Variants in CTNND2 observed in about 807,000 individuals in gnomAD.
CTNND2 encodes the protein catenin delta-2.
CTNND2 carries 22 observed loss-of-function variants against 144.4 expected under a neutral mutation model. The ratio of observed to expected loss-of-function variants is 0.15; its 90% CI spans 0.11 to 0.22. CTNND2 has a LOEUF of 0.22. Ranked by LOEUF, CTNND2 falls within the 10% of genes least tolerant of loss-of-function variation. The probability of loss-of-function intolerance (pLI) is 1.00; values close to 1 mark genes in which losing one functional copy is unlikely to be tolerated. For missense variants in CTNND2, 1,353 were observed against 1,618.8 expected (o/e 0.84, Z 2.82); for synonymous variants, 751 against 695.6 (o/e 1.08, Z -1.25).
chr5:11,671,280 CT>C (rs1358058322), intron 2 of CTNND2, among the ~76,000 whole-genome samples: 4 of 152,038 alleles, frequency 2.6e-5, no homozygotes, highest in African/African-American at 9.7e-5. Context: ...TGAGGAACAT[CT>C]TTGTGGTGTT....
At chr5:11,657,983 A>C (rs1400991231) in intron 2 of CTNND2, among the ~76,000 whole-genome samples, 1 of 152,182 alleles carries the variant, frequency 6.6e-6, no homozygotes, top group East Asian at 1.9e-4. Flanking sequence ...TTCTATTTAA[A>C]GTGGTTGAAA....
At chr5:11,016,755 T>C (rs745524290) in intron 18 of CTNND2, among the ~76,000 whole-genome samples, 2 of 152,002 alleles carry the variant, frequency 1.3e-5, no homozygotes, top group Non-Finnish European at 2.9e-5. Context: ...CGCTTATTGG[T>C]GATGTCCTCT....
intron 1 of CTNND2, among the ~76,000 whole-genome samples, chr5:11,776,718 G>A (rs1041115352): frequency 3.3e-5 from 5 of 151,770 alleles, no homozygotes; most frequent in African/African-American, 4.8e-5. Flanking sequence ...ATGCTTTATC[G>A]CAGGTATACA....
intron 3 of CTNND2, among the ~76,000 whole-genome samples, chr5:11,434,637 A>C (rs1417704230): frequency 1.4e-5 from 2 of 146,322 alleles, no homozygotes; most frequent in Non-Finnish European, 3.0e-5. Flanking sequence ...AAGCATTTGG[A>C]AAGAGGGGGT....
At chr5:11,330,848 GTC>G (rs2149715411) in intron 9 of CTNND2, among the ~76,000 whole-genome samples, 1 of 147,828 alleles carries the variant, frequency 6.8e-6, no homozygotes, top group African/African-American at 2.7e-5. Context: ...GCCTGTGTGT[GTC>G]TGTGTGTGAG....
chr5:11,683,960 A>G (rs1015399900), intron 2 of CTNND2, among the ~76,000 whole-genome samples: 13 of 152,244 alleles, frequency 8.5e-5, no homozygotes, highest in African/African-American at 3.1e-4. Flanking sequence ...TTATGACAGT[A>G]AAAGTGCTAG....
chr5:11,384,592 C>G lies in CTNND2; in HGVS notation c.1177+73G>C. The G allele has an allele frequency of 1.4e-6, 2 of 1,436,808 alleles. No individual in the cohort carries two copies. The highest frequency in any genetic ancestry group is 2.3e-5 in the Admixed American group (1 of 42,748). 89.0% of individuals were successfully genotyped at this position (1,436,808 alleles called of 1,614,324 possible). On this transcript the variant is annotated intron_variant, in intron 7 of 21. Coordinates refer to ENST00000304623, the MANE Select transcript of CTNND2 (RefSeq NM_001332.4). This position sits in a 1 kb window ranked among gnomAD's most constrained non-coding sequence, Gnocchi z 5.2. ...CAGCGCGCCCGGCTTCGCTTCTGCTCAAGCCGGGCTGCTGCTTCCGCGTCC... is the reference window on the plus strand; with the variant it reads ...CAGCGCGCCCGGCTTCGCTTCTGCTGAAGCCGGGCTGCTGCTTCCGCGTCC...
At chr5:11,827,901 C>T (rs1002458617) in intron 1 of CTNND2, among the ~76,000 whole-genome samples, 2 of 152,126 alleles carry the variant, frequency 1.3e-5, no homozygotes, top group East Asian at 1.9e-4. Flanking sequence ...AGGAACTGAA[C>T]ACTTCTTAAA....
chr5:11,126,682 C>T (rs1275537535), intron 12 of CTNND2, among the ~76,000 whole-genome samples: 1 of 152,206 alleles, frequency 6.6e-6, no homozygotes, highest in Non-Finnish European at 1.5e-5. Context: ...GGGAACCCAT[C>T]TTCTTTGGAA....
intron 11 of CTNND2, among the ~76,000 whole-genome samples, chr5:11,162,096 T>C (rs1328949014): frequency 6.6e-6 from 1 of 151,746 alleles, no homozygotes; most frequent in Non-Finnish European, 1.5e-5. Context: ...GGGGTTGCAG[T>C]GAGCTGAGAT....
rs558481685 is a variant in CTNND2, at chr5:11,823,229, T to C, written c.37+80588A>G. 2.6e-5 allele frequency among the ~76,000 whole-genome samples: 4 copies of C among 152,344 alleles called. No homozygotes were observed. The East Asian group carries it at 7.7e-4, about 29-fold the overall frequency. On this transcript the variant is annotated intron_variant, in intron 1 of 21. Coordinates refer to ENST00000304623, the MANE Select transcript of CTNND2 (RefSeq NM_001332.4). ...TGGGAAAGATTTCAAGTTCTGACAC[T>C]TCATGTCTTCCAAAAGACTAATGAA...
intron 2 of CTNND2, among the ~76,000 whole-genome samples, chr5:11,648,719 A>G (rs775188758): frequency 1.5e-4 from 23 of 152,262 alleles, no homozygotes; most frequent in South Asian, 6.2e-4. Flanking sequence ...ACCATGGCAA[A>G]GAATATAGAC....
chr5:11,346,578 G>A lies in CTNND2; in HGVS notation c.1422C>T (p.Ser474=), dbSNP rs1754812864. Residue 474 remains serine, a synonymous_variant, in exon 9 of 22, where the codon AGC becomes AGT. Transcript: ENST00000304623. ...CGGCGGCATTCTGTGGGCCGTGCTG[G>A]CTGCCTGTGCGCTGCAAGGGGACGG... ...VDSVPLQRTG[S]QHGPQNAAAA... The A allele has an allele frequency of 6.3e-7, 1 of 1,594,154 alleles. No homozygotes were observed. Among genetic ancestry groups the A allele is most frequent in the Admixed American group, 1.7e-5 (1 of 57,276 alleles).
chr5:11,732,995 G>A (rs1787477970), intron 1 of CTNND2, among the ~76,000 whole-genome samples: 1 of 152,124 alleles, frequency 6.6e-6, no homozygotes, highest in Non-Finnish European at 1.5e-5. Flanking sequence ...TAACCACCTG[G>A]AGGTTCCTGG....
At chr5:11,516,688 A>C (rs977808247) in intron 3 of CTNND2, among the ~76,000 whole-genome samples, 4 of 152,218 alleles carry the variant, frequency 2.6e-5, no homozygotes, top group Non-Finnish European at 5.9e-5. Context: ...AATAAATATA[A>C]AAATGGTCCA....
chr5:11,095,624 G>A (rs1177518421), intron 15 of CTNND2, among the ~76,000 whole-genome samples: 1 of 152,222 alleles, frequency 6.6e-6, no homozygotes, highest in Non-Finnish European at 1.5e-5. Flanking sequence ...CTGCCCATAA[G>A]GGGCGTACAG....
In CTNND2 at chr5:11,865,902, C is replaced by CAAAAAAAAAAAAAAAAAAA. The variant is rs56310600; in HGVS notation, c.37+37914_37+37915insTTTTTTTTTTTTTTTTTTT. Among the ~76,000 whole-genome samples the CAAAAAAAAAAAAAAAAAAA allele has an allele frequency of 4.9e-4, 43 of 87,432 alleles. 3 individuals are homozygous for CAAAAAAAAAAAAAAAAAAA. Among genetic ancestry groups the CAAAAAAAAAAAAAAAAAAA allele is most frequent in the African/African-American group, 1.3e-3 (33 of 25,064 alleles). The allele number at this position is 87,432 out of a possible 152,430, so 57.4% of individuals were successfully genotyped here. On this transcript the variant is annotated intron_variant, in intron 1 of 21. Coordinates refer to ENST00000304623, the MANE Select transcript of CTNND2 (RefSeq NM_001332.4). ...GGCAACCTTTAGAAGCTGGAAGAGACAAAAAAAAAAAAACGAGTTCTCCTC... is the reference window on the plus strand; with the variant it reads ...GGCAACCTTTAGAAGCTGGAAGAGACAAAAAAAAAAAAAAAAAAAAAAAAAAAAAAAACGAGTTCTCCTC...
intron 2 of CTNND2, among the ~76,000 whole-genome samples, chr5:11,626,370 A>G (rs1219825900): frequency 6.6e-6 from 1 of 152,210 alleles, no homozygotes; most frequent in Non-Finnish European, 1.5e-5. Flanking sequence ...ACTATACTAT[A>G]TGTGATATTT....
chr5:11,142,608 CTT>C (rs955587756), intron 12 of CTNND2, among the ~76,000 whole-genome samples: 48 of 133,204 alleles, frequency 3.6e-4, no homozygotes, highest in Admixed American at 3.1e-4. Context: ...AATTTAAACT[CTT>C]TTTTTTTTTT....
Sources: allele counts gnomAD v4.1 joint callset (sites outside exome capture counted in the v4.1 genomes callset), GRCh38; gene constraint gnomAD v4.1.1; non-coding constraint Gnocchi (gnomAD v3.1); transcripts MANE v1.5; gene names NCBI Gene and HGNC (gene_info 2026-07-23, HGNC 2026-07-21).